Variants in CLVS1 observed in about 807,000 individuals in gnomAD.
CLVS1 encodes clavesin 1.
A neutral mutation model predicts 33.1 loss-of-function variants in CLVS1; 10 were observed. That is an observed-to-expected ratio of 0.30 (90% CI 0.19 to 0.51). The LOEUF is 0.51. CLVS1 is among the 20% of genes least tolerant of loss of function. The probability of loss-of-function intolerance (pLI) is 0.97; values close to 1 mark genes in which losing one functional copy is unlikely to be tolerated. For synonymous variants in CLVS1, 163 were observed against 166.1 expected, an observed-to-expected ratio of 0.98 and a Z score of 0.14; for missense variants, 343 against 433.4, an observed-to-expected ratio of 0.79 and a Z score of 1.85.
At chr8:61,122,356 C>T (rs1224258453) in intron 1 of CLVS1, among the ~76,000 whole-genome samples, 1 of 152,136 alleles carries the variant, frequency 6.6e-6, no homozygotes, top group African/African-American at 2.4e-5. Context: ...ATTCAAGCCT[C>T]ATACTCAGGA....
intron 3 of CLVS1, among the ~76,000 whole-genome samples, chr8:61,386,748 G>A (rs1442769829): frequency 6.6e-6 from 1 of 152,196 alleles, no homozygotes; most frequent in African/African-American, 2.4e-5. Context: ...ATACAAGGAT[G>A]CTGCTGATGA....
At chr8:61,272,811 C>T (rs1442439025) in intron 2 of CLVS1, among the ~76,000 whole-genome samples, 1 of 152,250 alleles carries the variant, frequency 6.6e-6, no homozygotes, top group African/African-American at 2.4e-5. Flanking sequence ...CTGCATTCTT[C>T]ACGTAGTTCT....
In CLVS1 at chr8:61,372,582, C is replaced by T. The variant is rs369966211; in HGVS notation, c.456-4023C>T. Among the ~76,000 whole-genome samples the T allele has an allele frequency of 2.1e-3, 325 of 151,808 alleles. 2 individuals are homozygous for T. Among genetic ancestry groups the T allele is most frequent in the African/African-American group, 7.0e-3 (288 of 41,424 alleles). On this transcript the variant is annotated intron_variant, in intron 2 of 5. Transcript: ENST00000325897. Reference sequence around the variant, plus strand: ...AATACGTTATTCATTAATGTCCATACGTTATTTGGATTTTTTTTTTTTTAG... The same window carrying T: ...AATACGTTATTCATTAATGTCCATATGTTATTTGGATTTTTTTTTTTTTAG...
chr8:61,088,170 T>G (rs377716665), intron 1 of CLVS1, among the ~76,000 whole-genome samples: 14 of 152,344 alleles, frequency 9.2e-5, no homozygotes, highest in Non-Finnish European at 1.0e-4. Context: ...TACTGCTGTA[T>G]AGTGCCCCAC....
chr8:61,296,183 T>C (rs1810202482), intron 1 of CLVS1, among the ~76,000 whole-genome samples: 1 of 152,172 alleles, frequency 6.6e-6, no homozygotes, highest in Admixed American at 6.5e-5. Context: ...AGAATTTGCC[T>C]TTAATGGAAA....
At chr8:61,295,859 T>G (rs528073469) in intron 1 of CLVS1, among the ~76,000 whole-genome samples, 1 of 152,232 alleles carries the variant, frequency 6.6e-6, no homozygotes, top group Non-Finnish European at 1.5e-5. Flanking sequence ...GATTAAATAC[T>G]GTAGTCTATA....
At chr8:61,291,054 T>A (rs767738083) in intron 1 of CLVS1, among the ~76,000 whole-genome samples, 5 of 152,218 alleles carry the variant, frequency 3.3e-5, no homozygotes, top group Non-Finnish European at 5.9e-5. Flanking sequence ...CTTGATTCTT[T>A]ATGGATTGAA....
At chr8:61,110,393 T>A (rs1465411519) in intron 1 of CLVS1, among the ~76,000 whole-genome samples, 1 of 152,086 alleles carries the variant, frequency 6.6e-6, no homozygotes, top group Non-Finnish European at 1.5e-5. Context: ...TTCCATGGAA[T>A]CCTCATCTCC....
chr8:61,456,779 G>A (rs867899105), intron 4 of CLVS1, among the ~76,000 whole-genome samples: 3 of 151,856 alleles, frequency 2.0e-5, no homozygotes, highest in Non-Finnish European at 2.9e-5. Context: ...TTAGCTGGGC[G>A]TGGTGGCAGG....
chr8:61,122,611 C>CA lies in CLVS1; in HGVS notation c.-242-9157dup, dbSNP rs1352604506. On this transcript the variant is annotated intron_variant, in intron 1 of 2. Transcript: ENST00000522621. The stretch of plus-strand genomic sequence containing the variant: ...ACACACACACACACACACACACACA[C>CA]AAGAAAACAGCAAGCAAGAAGTGAA... 2.1e-3 allele frequency among the ~76,000 whole-genome samples: 294 copies of CA among 141,882 alleles called. 3 individuals are homozygous for CA. Among genetic ancestry groups the CA allele is most frequent in the African/African-American group, 7.9e-3 (289 of 36,476 alleles). 93.1% of individuals were successfully genotyped at this position (141,882 alleles called of 152,430 possible).
At chr8:61,004,412 A>G in the CLVS1 span, among the ~76,000 whole-genome samples, 2 of 152,218 alleles carry the variant, frequency 1.3e-5, no homozygotes, top group South Asian at 2.1e-4. Context: ...ATAAGAATGC[A>G]TTGAGCCAGC....
intron 2 of CLVS1, among the ~76,000 whole-genome samples, chr8:61,315,421 T>C (rs1023259906): frequency 2.6e-5 from 4 of 152,218 alleles, no homozygotes; most frequent in African/African-American, 9.6e-5. Flanking sequence ...CAAATAGTGT[T>C]GCCACTGGGC....
intron 3 of CLVS1, among the ~76,000 whole-genome samples, chr8:61,427,640 A>G (rs1815943411): frequency 6.6e-6 from 1 of 152,188 alleles, no homozygotes; most frequent in Admixed American, 6.5e-5. Context: ...TTATACATTC[A>G]TCTACTGAAT....
At chr8:61,004,051 G>T in the CLVS1 span, among the ~76,000 whole-genome samples, 26 of 152,206 alleles carry the variant, frequency 1.7e-4, no homozygotes, top group Non-Finnish European at 2.6e-4. Context: ...CCAGGTACCT[G>T]AAGAGAGAGA....
intron 1 of CLVS1, among the ~76,000 whole-genome samples, chr8:61,090,415 G>T (rs1010777499): frequency 2.6e-5 from 4 of 152,142 alleles, no homozygotes; most frequent in Admixed American, 2.0e-4. Context: ...CAGCCTGCTT[G>T]CACTGAACAG....
At chr8:61,103,827 A>G (rs1805489174) in intron 1 of CLVS1, among the ~76,000 whole-genome samples, 2 of 152,210 alleles carry the variant, frequency 1.3e-5, no homozygotes, top group South Asian at 4.1e-4. Flanking sequence ...ACTTTAGGCA[A>G]GGGCTTGCTT....
chr8:61,392,242 G>A (rs1585905467), intron 3 of CLVS1, among the ~76,000 whole-genome samples: 1 of 151,988 alleles, frequency 6.6e-6, no homozygotes, highest in East Asian at 1.9e-4. Context: ...TGAAGCAGGA[G>A]GATCTCTTGA....
At chr8:61,380,828 A>G (rs1237280734) in intron 3 of CLVS1, among the ~76,000 whole-genome samples, 5 of 152,166 alleles carry the variant, frequency 3.3e-5, no homozygotes, top group African/African-American at 1.2e-4. Context: ...TTTTTTATAA[A>G]TCACTGCAGC....
intron 3 of CLVS1, among the ~76,000 whole-genome samples, chr8:61,409,150 A>T (rs1446786262): frequency 1.3e-5 from 2 of 152,244 alleles, no homozygotes; most frequent in Non-Finnish European, 2.9e-5. Context: ...TATGACTGAC[A>T]CATATAATAT....
Sources: allele counts gnomAD v4.1 joint callset (sites outside exome capture counted in the v4.1 genomes callset), GRCh38; gene constraint gnomAD v4.1.1; transcripts MANE v1.5; gene names NCBI Gene and HGNC (gene_info 2026-07-23, HGNC 2026-07-21).